Variants in APBB2 observed in about 807,000 individuals in gnomAD.
APBB2 encodes the protein amyloid beta precursor protein binding family B member 2.
Under a neutral mutation model 82.5 loss-of-function variants are expected in APBB2, and 38 were observed. That is an observed-to-expected ratio of 0.46 (90% CI 0.36 to 0.60). APBB2 has a LOEUF of 0.60. Among genes scored for constraint, APBB2 ranks in the 20% least tolerant of loss-of-function variants. The pLI, the probability that APBB2 is intolerant of heterozygous loss-of-function variation, is 0.00. For synonymous variants in APBB2, 341 were observed against 368.2 expected, an observed-to-expected ratio of 0.93 and a Z score of 0.85; for missense variants, 772 against 972.3, an observed-to-expected ratio of 0.79 and a Z score of 2.74.
chr4:41,085,504 A>G (rs1475113965), intron 3 of APBB2, among the ~76,000 whole-genome samples: 2 of 152,180 alleles, frequency 1.3e-5, no homozygotes, highest in African/African-American at 2.4e-5. Context: ...AATAATGACA[A>G]TTAATTAATC....
At chr4:40,844,744 C>A (rs1423862953) in intron 12 of APBB2, among the ~76,000 whole-genome samples, 1 of 152,248 alleles carries the variant, frequency 6.6e-6, no homozygotes, top group Non-Finnish European at 1.5e-5. Context: ...TTATGCAAGT[C>A]ACACAACCTC....
rs777910826 is a variant in APBB2 at position 40,832,013 on chromosome 4, T to TATACACACACACACACAC, written c.1530-1437_1530-1436insGTGTGTGTGTGTGTGTAT. Among the ~76,000 whole-genome samples, 1,681 of 138,934 alleles carry TATACACACACACACACAC rather than the reference T, an allele frequency of 0.012. 29 individuals carry two copies. The highest frequency in any genetic ancestry group is 0.019 in the South Asian group (81 of 4,216). The allele number at this position is 138,934 out of a possible 152,430, so 91.1% of individuals were successfully genotyped here. On this transcript the variant is annotated intron_variant, in intron 12 of 17. Coordinates refer to ENST00000508593, the MANE Select transcript of APBB2 (RefSeq NM_004307.2). This position sits in a 1 kb window ranked among gnomAD's most constrained non-coding sequence, Gnocchi z 4.8. Reference sequence around the variant, plus strand: ...ACACATATTTATATATTTATTTATATACACACACACACACACACACACACA... The same window carrying TATACACACACACACACAC: ...ACACATATTTATATATTTATTTATATATACACACACACACACACACACACACACACACACACACACACA...
At chr4:40,947,515 G>A (rs1249337691) in intron 6 of APBB2, among the ~76,000 whole-genome samples, 1 of 152,260 alleles carries the variant, frequency 6.6e-6, no homozygotes, top group Admixed American at 6.5e-5. Context: ...GAGGTATCAT[G>A]AGAGGAACTT....
intron 6 of APBB2, among the ~76,000 whole-genome samples, chr4:40,982,281 A>G (rs6851132): frequency 0.15 from 2,668 of 17,238 alleles, 380 homozygotes; most frequent in Admixed American, 0.19. Flanking sequence ...AAAGAAAGAA[A>G]GAAGGAAGGA....
chr4:41,099,543 T>C (rs1388766128), intron 3 of APBB2, among the ~76,000 whole-genome samples: 4 of 152,152 alleles, frequency 2.6e-5, no homozygotes, highest in Admixed American at 6.5e-5. Flanking sequence ...GCTTCAAAAC[T>C]CAAGACCCTT....
intron 2 of APBB2, among the ~76,000 whole-genome samples, chr4:41,107,987 T>C (rs980579501): frequency 2.6e-5 from 4 of 152,226 alleles, no homozygotes; most frequent in African/African-American, 9.7e-5. Flanking sequence ...CAAGTATTAT[T>C]TATATATCAG....
chr4:40,849,988 T>G (rs1758823624), intron 12 of APBB2, among the ~76,000 whole-genome samples: 7 of 152,224 alleles, frequency 4.6e-5, no homozygotes. Flanking sequence ...CCTCCCAAAG[T>G]GCTGGGATTA....
chr4:41,195,641 C>T, intron 1 of APBB2, among the ~76,000 whole-genome samples: 1 of 152,206 alleles, frequency 6.6e-6, no homozygotes, highest in African/African-American at 2.4e-5. Context: ...TTCACATCTT[C>T]GTTGGCAGCA....
chr4:40,851,738 ATTT>A (rs869027470), intron 12 of APBB2, among the ~76,000 whole-genome samples: 6,332 of 67,016 alleles, frequency 0.094, 200 homozygotes, highest in Admixed American at 0.16. Flanking sequence ...ATATATATAT[ATTT>A]TTTTTTTTTT....
At chr4:41,050,796 C>G (rs1725650062) in intron 4 of APBB2, among the ~76,000 whole-genome samples, 1 of 152,192 alleles carries the variant, frequency 6.6e-6, no homozygotes, top group South Asian at 2.1e-4. Context: ...TACGTTCTCT[C>G]ATCCACGTCA....
At chr4:41,021,584 G>C (rs1366710907) in intron 5 of APBB2, among the ~76,000 whole-genome samples, 1 of 152,292 alleles carries the variant, frequency 6.6e-6, no homozygotes, top group East Asian at 1.9e-4. Context: ...TCTATGTCTA[G>C]CTAAAGGTTT....
chr4:40,830,030 C>A (rs996966179), intron 13 of APBB2, among the ~76,000 whole-genome samples: 3 of 152,216 alleles, frequency 2.0e-5, no homozygotes, highest in African/African-American at 7.2e-5. Flanking sequence ...GCTTTGACTC[C>A]TTTTCCCAGT....
At position 40,890,369 on chromosome 4, in the gene APBB2, A is replaced by G; in HGVS notation, c.1524T>C (p.Asn508=). Residue 508 remains asparagine (N), a synonymous_variant, in exon 12 of 18, where the codon AAT becomes AAC. Coordinates refer to ENST00000508593, the MANE Select transcript of APBB2 (RefSeq NM_004307.2). Reference sequence around the variant, plus strand: ...TGCCCCACCCAGGGACTCACCGGCCATTGTCGCGGCCCACGCCCCACACGC... The same window carrying G: ...TGCCCCACCCAGGGACTCACCGGCCGTTGTCGCGGCCCACGCCCCACACGC... The part of the protein sequence containing the change: ...SIRVWGVGRD[N]GRDFAYVARD... 1 of 1,612,346 alleles carries G rather than the reference A, an allele frequency of 6.2e-7. No homozygotes were observed. Among genetic ancestry groups the G allele is most frequent in the Non-Finnish European group, 8.5e-7 (1 of 1,179,652 alleles).
chr4:41,119,301 G>A (rs746206194), intron 2 of APBB2, among the ~76,000 whole-genome samples: 16 of 152,032 alleles, frequency 1.1e-4, no homozygotes, highest in Non-Finnish European at 1.8e-4. Flanking sequence ...GGGGGAGTGA[G>A]TTTGAACTAG....
At chr4:40,857,279 T>G (rs566630310) in intron 12 of APBB2, 2 of 633,078 alleles carry the variant, frequency 3.2e-6, no homozygotes, top group Admixed American at 6.3e-5. Context: ...GTGCTCCCGC[T>G]AGGTGCTCCC....
At chr4:41,028,059 G>C (rs1715167734) in intron 5 of APBB2, among the ~76,000 whole-genome samples, 1 of 152,188 alleles carries the variant, frequency 6.6e-6, no homozygotes, top group Admixed American at 6.5e-5. Context: ...ATTATAGCCT[G>C]GCACGTGTTT....
At chr4:41,057,271 TGAAA>T (rs1728154738) in intron 4 of APBB2, among the ~76,000 whole-genome samples, 1 of 151,978 alleles carries the variant, frequency 6.6e-6, no homozygotes, top group South Asian at 2.1e-4. Flanking sequence ...GCCAAAATGG[TGAAA>T]CCCCCTCTCT....
chr4:40,879,816 C>T (rs1030507086), intron 12 of APBB2, among the ~76,000 whole-genome samples: 10 of 151,876 alleles, frequency 6.6e-5, no homozygotes, highest in African/African-American at 7.3e-5. Flanking sequence ...CTAAGCCTCC[C>T]GAGTAGGTGG....
chr4:40,940,715 AT>A (rs1367377409), intron 7 of APBB2, among the ~76,000 whole-genome samples: 2 of 152,100 alleles, frequency 1.3e-5, no homozygotes, highest in African/African-American at 4.8e-5. Context: ...GCAACAATTC[AT>A]TTTCTCGAGC....
Sources: gnomAD v4.1 joint callset for allele counts (sites outside exome capture counted in the v4.1 genomes callset) on GRCh38, gnomAD v4.1.1 for gene constraint, Gnocchi (gnomAD v3.1) non-coding constraint, MANE v1.5 for transcripts, NCBI Gene and HGNC (gene_info 2026-07-23, HGNC 2026-07-21) for gene names.